Variants in TRPM3 observed in about 807,000 individuals in gnomAD.
The protein encoded by TRPM3 is transient receptor potential cation channel subfamily M member 3, also known as long transient receptor potential channel 3.
Under a neutral mutation model 181.2 loss-of-function variants are expected in TRPM3, and 77 were observed. That is an observed-to-expected ratio of 0.42 (90% CI 0.35 to 0.51). The LOEUF (loss-of-function observed/expected upper bound fraction) is 0.51. TRPM3 is among the 20% of genes least tolerant of loss of function. The probability of loss-of-function intolerance (pLI) is 0.01; values close to 1 mark genes in which losing one functional copy is unlikely to be tolerated. For synonymous variants in TRPM3, 745 were observed against 796.4 expected (o/e 0.94, Z 1.09); for missense variants, 1,759 against 2,196.7 (o/e 0.80, Z 3.98).
chr9:70,977,645 G>A (rs1393954135), intron 1 of TRPM3, among the ~76,000 whole-genome samples: 2 of 152,220 alleles, frequency 1.3e-5, no homozygotes, highest in African/African-American at 4.8e-5. Context: ...GTCAGTCTGG[G>A]TCAGTTTTAT....
intron 1 of TRPM3, among the ~76,000 whole-genome samples, chr9:71,225,620 C>G (rs2080551213): frequency 6.6e-6 from 1 of 152,022 alleles, no homozygotes; most frequent in South Asian, 2.1e-4. Flanking sequence ...CTACTCATAT[C>G]TTAAGTAAAA....
intron 1 of TRPM3, among the ~76,000 whole-genome samples, chr9:71,206,328 C>T (rs1233123472): frequency 6.6e-6 from 1 of 152,148 alleles, no homozygotes; most frequent in African/African-American, 2.4e-5. Context: ...GTTTTATTTG[C>T]ATTTCTCTAA....
chr9:71,192,852 C>T (rs924173560), intron 1 of TRPM3, among the ~76,000 whole-genome samples: 1 of 151,694 alleles, frequency 6.6e-6, no homozygotes, highest in Non-Finnish European at 1.5e-5. Context: ...TGTAGAATTT[C>T]CCCCTATGTT....
rs752061830 is a variant in TRPM3, at chr9:70,537,443, G to A, written c.3708-38C>T. The A allele has an allele frequency of 2.1e-6, 3 of 1,410,748 alleles. No individual in the cohort carries two copies. In the African/African-American group the frequency reaches 4.3e-5, roughly 20 times the overall value. 87.4% of individuals were successfully genotyped at this position (1,410,748 alleles called of 1,614,324 possible). ...GAGAGAATGAGAGTCACTCGGCCTG[G>A]TTCCTCTGCTGGGGCTTTAGAGAGC... On this transcript the variant is annotated intron_variant, in intron 25 of 25. Coordinates refer to ENST00000677713, the MANE Select transcript of TRPM3 (RefSeq NM_001366145.2).
intron 20 of TRPM3, among the ~76,000 whole-genome samples, chr9:70,599,556 G>A (rs2059539793): frequency 6.6e-6 from 1 of 152,262 alleles, no homozygotes; most frequent in Middle Eastern, 3.4e-3. Context: ...CTACCCTGCA[G>A]CCATACTGGT....
intron 20 of TRPM3, among the ~76,000 whole-genome samples, chr9:70,600,505 A>AGCCC (rs1404833109): frequency 6.6e-6 from 1 of 151,924 alleles, no homozygotes; most frequent in Non-Finnish European, 1.5e-5. Context: ...TCCTGCCCTA[A>AGCCC]GCCCTAGCCC....
In TRPM3 at chr9:71,322,617, G is replaced by A. The variant is rs1160563970; in HGVS notation, c.183+124036C>T. ...TTTAGGAGCAAGAATGAGTCTGCTG[G>A]TTTTTTCCAACTCATATTTTATGGT... On this transcript the variant is annotated intron_variant, in intron 1 of 24. Transcript: ENST00000357533. Among the ~76,000 whole-genome samples, 6 of 151,966 alleles carry A rather than the reference G, an allele frequency of 3.9e-5. No individual in the cohort carries two copies. In the East Asian group the frequency reaches 1.2e-3, roughly 29 times the overall value.
At chr9:71,199,997 A>G (rs1338898165) in intron 1 of TRPM3, among the ~76,000 whole-genome samples, 3 of 151,978 alleles carry the variant, frequency 2.0e-5, no homozygotes, top group Non-Finnish European at 4.4e-5. Flanking sequence ...CCTGCTTTCT[A>G]TTGTGCACAT....
At chr9:70,932,364 T>C (rs1428257891) in intron 1 of TRPM3, among the ~76,000 whole-genome samples, 2 of 152,096 alleles carry the variant, frequency 1.3e-5, no homozygotes, top group Non-Finnish European at 2.9e-5. Context: ...TGAGTTTCTA[T>C]TGAGTAGTTT....
chr9:70,559,368 A>G (rs1439051672), intron 22 of TRPM3, among the ~76,000 whole-genome samples: 1 of 152,200 alleles, frequency 6.6e-6, no homozygotes, highest in Non-Finnish European at 1.5e-5. Context: ...ATGACCTGTC[A>G]ATATAGGGTG....
chr9:70,819,383 C>T (rs186580964), intron 6 of TRPM3, among the ~76,000 whole-genome samples: 107 of 152,270 alleles, frequency 7.0e-4, no homozygotes, highest in African/African-American at 2.6e-3. Context: ...ATACCAATAT[C>T]CTCAAATACC....
intron 1 of TRPM3, among the ~76,000 whole-genome samples, chr9:71,214,375 C>A (rs922493341): frequency 5.9e-5 from 9 of 152,144 alleles, no homozygotes; most frequent in African/African-American, 2.2e-4. Flanking sequence ...TATCATACAA[C>A]CCAGCATCTC....
At chr9:70,846,254 A>G in intron 4 of TRPM3, 124 bp downstream of exon 4, 3 of 865,614 alleles carry the variant, frequency 3.5e-6, no homozygotes, top group South Asian at 1.5e-5. Flanking sequence ...ATAACCAGCA[A>G]CTATGGACCC....
At chr9:70,753,059 A>G (rs1337246103) in intron 8 of TRPM3, among the ~76,000 whole-genome samples, 1 of 152,110 alleles carries the variant, frequency 6.6e-6, no homozygotes, top group African/African-American at 2.4e-5. Flanking sequence ...GTGAGCCGAC[A>G]TCACACCACT....
At chr9:71,259,865 G>A (rs768906306) in intron 1 of TRPM3, among the ~76,000 whole-genome samples, 1 of 152,098 alleles carries the variant, frequency 6.6e-6, no homozygotes, top group Non-Finnish European at 1.5e-5. Context: ...AGTCTCTTCT[G>A]TTGTGCAGAA....
chr9:71,335,188 T>C (rs2090467603), intron 1 of TRPM3, among the ~76,000 whole-genome samples: 1 of 152,162 alleles, frequency 6.6e-6, no homozygotes, highest in Non-Finnish European at 1.5e-5. Context: ...CATGGCTTCT[T>C]GGAGACCTGG....
intron 1 of TRPM3, among the ~76,000 whole-genome samples, chr9:70,933,241 G>A (rs2096792681): frequency 6.6e-6 from 1 of 152,142 alleles, no homozygotes; most frequent in Non-Finnish European, 1.5e-5. Context: ...TAGAAAAAGG[G>A]TCCAGAGTGG....
At chr9:70,540,479 G>T (rs1413858621) in intron 25 of TRPM3, among the ~76,000 whole-genome samples, 1 of 152,114 alleles carries the variant, frequency 6.6e-6, no homozygotes. Flanking sequence ...TCAGCCCCAG[G>T]ATCCAACACT....
At position 70,532,079 on chromosome 9, in the gene TRPM3, A is replaced by G. The variant is rs1184541990; in HGVS notation, c.*3874T>C. The G allele has an allele frequency of 6.6e-6, 1 of 152,226 alleles. No homozygotes were observed. The highest frequency in any genetic ancestry group is 2.4e-5 in the African/African-American group (1 of 41,452). The allele number at this position is 152,226 out of a possible 1,614,324, so 9.4% of individuals were successfully genotyped here. ...ACGCTGGGTTAAACATGGGTTACAT[A>G]CATGTTTACATGTGTTTTATAATAC... On this transcript the variant is annotated 3_prime_UTR_variant, in exon 26 of 26. Coordinates refer to ENST00000677713, the MANE Select transcript of TRPM3 (RefSeq NM_001366145.2).
Sources: gnomAD v4.1 joint callset for allele counts (sites outside exome capture counted in the v4.1 genomes callset) on GRCh38, gnomAD v4.1.1 for gene constraint, MANE v1.5 for transcripts, NCBI Gene and HGNC (gene_info 2026-07-23, HGNC 2026-07-21) for gene names.